PTPRD: variants seen among roughly 807,000 people sequenced by gnomAD.
PTPRD encodes the protein protein tyrosine phosphatase receptor type D, also known as receptor-type tyrosine-protein phosphatase delta.
A neutral mutation model predicts 214.5 loss-of-function variants in PTPRD; 34 were observed. The observed-to-expected ratio is 0.16, with a 90% CI of 0.12 to 0.21. The LOEUF is 0.21. PTPRD is among the 10% of genes least tolerant of loss of function. The pLI is 1.00. For synonymous variants in PTPRD, 1,128 were observed against 845.7 expected, an observed-to-expected ratio of 1.33 and a Z score of -5.79; for missense variants, 2,545 against 2,398.7, an observed-to-expected ratio of 1.06 and a Z score of -1.27.
chr9:9,009,025 T>G (rs531967326), intron 11 of PTPRD, among the ~76,000 whole-genome samples: 1 of 152,262 alleles, frequency 6.6e-6, no homozygotes, highest in South Asian at 2.1e-4. Flanking sequence ...TGAAATCTAT[T>G]TGAAAGACAA....
At chr9:10,146,431 A>G (rs2099023431) in intron 3 of PTPRD, among the ~76,000 whole-genome samples, 1 of 152,098 alleles carries the variant, frequency 6.6e-6, no homozygotes, top group Non-Finnish European at 1.5e-5. Flanking sequence ...ACAAATATAT[A>G]AAATAATTTC....
chr9:9,662,801 C>G (rs931233278), intron 7 of PTPRD, among the ~76,000 whole-genome samples: 2 of 151,520 alleles, frequency 1.3e-5, no homozygotes, highest in East Asian at 3.9e-4. Context: ...CCACATGTAT[C>G]TTAGTGTCTT....
intron 3 of PTPRD, among the ~76,000 whole-genome samples, chr9:10,178,120 T>A (rs544269705): frequency 5.9e-5 from 9 of 152,074 alleles, no homozygotes; most frequent in Middle Eastern, 3.4e-3. Context: ...GGACTGGTTG[T>A]CCACCAGAAT....
chr9:8,528,263 G>A, intron 15 of PTPRD: 1 of 426,286 alleles, frequency 2.3e-6, no homozygotes. Context: ...AAAGAAAACA[G>A]AGAAAGAAGA....
intron 39 of PTPRD, among the ~76,000 whole-genome samples, chr9:8,361,501 T>C (rs1500319): frequency 0.038 from 5,784 of 152,264 alleles, 171 homozygotes; most frequent in South Asian, 0.16. Flanking sequence ...TATAACAGCA[T>C]AGGACACCTA....
At chr9:8,522,374 G>C (rs2097909036) in intron 19 of PTPRD, among the ~76,000 whole-genome samples, 2 of 152,180 alleles carry the variant, frequency 1.3e-5, no homozygotes. Context: ...GGACTTAGGG[G>C]ATGACAGGGT....
chr9:9,102,307 T>G (rs1016202749), intron 10 of PTPRD, among the ~76,000 whole-genome samples: 11 of 152,202 alleles, frequency 7.2e-5, no homozygotes, highest in Non-Finnish European at 1.3e-4. Flanking sequence ...GTCTATTCTC[T>G]TTTGAATTTA....
At chr9:10,393,461 A>T (rs1382436445) in intron 2 of PTPRD, among the ~76,000 whole-genome samples, 1 of 151,604 alleles carries the variant, frequency 6.6e-6, no homozygotes, top group African/African-American at 2.4e-5. Context: ...TTTGATTTCA[A>T]GAAACATGCA....
chr9:9,548,947 T>C (rs1253893794), intron 8 of PTPRD, among the ~76,000 whole-genome samples: 1 of 152,102 alleles, frequency 6.6e-6, no homozygotes, highest in Non-Finnish European at 1.5e-5. Context: ...CTCTCAGTAA[T>C]TGACAGGAAA....
intron 9 of PTPRD, among the ~76,000 whole-genome samples, chr9:9,254,712 G>A (rs1273278007): frequency 1.3e-5 from 2 of 152,008 alleles, no homozygotes; most frequent in African/African-American, 4.8e-5. Flanking sequence ...GTTTCTTGTT[G>A]AAGAAATCTC....
At chr9:10,269,730 C>T (rs2475356) in intron 3 of PTPRD, among the ~76,000 whole-genome samples, 62,966 of 151,140 alleles carry the variant, frequency 0.42, 14,624 homozygotes, top group African/African-American at 0.63. Flanking sequence ...TTTAAGTCAC[C>T]GAGAATAAAA....
intron 3 of PTPRD, among the ~76,000 whole-genome samples, chr9:10,035,255 G>C (rs2097157950): frequency 6.6e-6 from 1 of 151,820 alleles, no homozygotes; most frequent in Non-Finnish European, 1.5e-5. Flanking sequence ...CTTCTTTTGA[G>C]AAGTGCCCTT....
At chr9:10,383,120 C>T (rs188870257) in intron 2 of PTPRD, among the ~76,000 whole-genome samples, 1 of 151,962 alleles carries the variant, frequency 6.6e-6, no homozygotes, top group African/African-American at 2.4e-5. Context: ...ATTCACTTAG[C>T]TTGTCTTTAT....
chr9:9,505,241 C>T (rs138823562), intron 8 of PTPRD, among the ~76,000 whole-genome samples: 15 of 151,608 alleles, frequency 9.9e-5, no homozygotes, highest in East Asian at 1.9e-4. Flanking sequence ...CTAGAGCAGC[C>T]GACTCTCTTA....
intron 11 of PTPRD, among the ~76,000 whole-genome samples, chr9:8,735,753 C>G (rs948316351): frequency 6.6e-6 from 1 of 151,550 alleles, no homozygotes; most frequent in South Asian, 2.1e-4. Flanking sequence ...CTACTAAAAA[C>G]ACAAAAAAAT....
chr9:10,125,860 A>C (rs2098815417), intron 3 of PTPRD, among the ~76,000 whole-genome samples: 1 of 152,168 alleles, frequency 6.6e-6, no homozygotes, highest in South Asian at 2.1e-4. Context: ...ATGGATATAA[A>C]TATGGATATA....
At chr9:9,768,650 A>T (rs2098726131) in intron 5 of PTPRD, among the ~76,000 whole-genome samples, 1 of 152,188 alleles carries the variant, frequency 6.6e-6, no homozygotes, top group Non-Finnish European at 1.5e-5. Flanking sequence ...CTATGCTTAC[A>T]TGCAGTCTGG....
At chr9:9,999,533 C>T (rs1356308590) in intron 4 of PTPRD, among the ~76,000 whole-genome samples, 2 of 151,994 alleles carry the variant, frequency 1.3e-5, no homozygotes, top group African/African-American at 2.4e-5. Context: ...TTGTAGCTTC[C>T]CAAAGAGAAA....
chr9:9,951,148 C>T (rs2093418147), intron 4 of PTPRD, among the ~76,000 whole-genome samples: 1 of 152,014 alleles, frequency 6.6e-6, no homozygotes, highest in Non-Finnish European at 1.5e-5. Context: ...ATATGTAGCC[C>T]TTTAATGTTT....
Sources: gnomAD v4.1 joint callset for allele counts (sites outside exome capture counted in the v4.1 genomes callset) on GRCh38, gnomAD v4.1.1 for gene constraint, MANE v1.5 for transcripts, NCBI Gene and HGNC (gene_info 2026-07-23, HGNC 2026-07-21) for gene names.